CRY2: variants seen among roughly 807,000 people sequenced by gnomAD.
CRY2 encodes cryptochrome-2.
In CRY2, 31 loss-of-function variants were observed where a neutral mutation model predicts 69.5. The observed-to-expected ratio is 0.45, with a 90% confidence interval of 0.34 to 0.60. The LOEUF (loss-of-function observed/expected upper bound fraction) is 0.60. Ranked by LOEUF, CRY2 falls within the 20% of genes least tolerant of loss-of-function variation. The pLI is 0.02. For missense variants in CRY2, 606 were observed against 797.8 expected, an observed-to-expected ratio of 0.76 and a Z score of 2.90; for synonymous variants, 303 against 312.2, an observed-to-expected ratio of 0.97 and a Z score of 0.31.
At chr11:45,870,262 G>A (rs2086366815) in intron 8 of CRY2, 58 bp downstream of exon 8, 1 of 1,611,704 alleles carries the variant, frequency 6.2e-7, no homozygotes, top group Admixed American at 1.7e-5. Flanking sequence ...TACTAGGATG[G>A]GATACCCTGG....
At chr11:45,860,738 T>C in intron 3 of CRY2, 110 bp from the exon 4 acceptor site, 2 of 1,214,868 alleles carry the variant, frequency 1.6e-6, no homozygotes, top group South Asian at 1.5e-5. Context: ...TGTGAGTGGA[T>C]GAGGAAAGCC....
intron 2 of CRY2, 46 bp from the exon 3 acceptor site, chr11:45,858,685 T>C: frequency 6.3e-7 from 1 of 1,575,668 alleles, no homozygotes; most frequent in Non-Finnish European, 8.6e-7. Flanking sequence ...AGCTTCCCCC[T>C]CCTCCCCAAA....
chr11:45,858,841 G>A lies in CRY2; in HGVS notation c.435G>A (p.Thr145=), dbSNP rs149135781. The change falls in exon 3 of 12, where the codon ACG becomes ACA. Residue 145 remains threonine (T), a synonymous_variant. Transcript: ENST00000616080. ...AGGAGGCTGGTGTGGAAGTAGTGAC[G>A]GAGAATTCTCATACCCTCTATGACC... The part of the protein sequence containing the change: ...MAKEAGVEVV[T]ENSHTLYDLD... 9.7e-5 allele frequency: 157 copies of A among 1,614,050 alleles called. 1 individual carries two copies. The highest frequency in any genetic ancestry group is 1.2e-4 in the Non-Finnish European group (138 of 1,180,028).
At chr11:45,869,942 T>G in intron 7 of CRY2, 111 bp from the exon 8 acceptor site, 1 of 1,515,282 alleles carries the variant, frequency 6.6e-7, no homozygotes, top group South Asian at 1.3e-5. Flanking sequence ...CCAGATCCTC[T>G]GTGGCTTGCC....
chr11:45,870,020 C>G (rs1181073127), intron 7 of CRY2, 33 bp from the exon 8 acceptor site: 1 of 1,563,504 alleles, frequency 6.4e-7, no homozygotes. Context: ...CTGCATGTCC[C>G]CAAGGAGGCT....
intron 1 of CRY2, among the ~76,000 whole-genome samples, chr11:45,852,895 G>T (rs1176062898): frequency 1.3e-5 from 2 of 152,136 alleles, no homozygotes; most frequent in African/African-American, 4.8e-5. Context: ...CAGACTCCTG[G>T]GTGTTTCACA....
At chr11:45,863,182 ATC>A (rs1311982620) in intron 5 of CRY2, among the ~76,000 whole-genome samples, 11 of 152,224 alleles carry the variant, frequency 7.2e-5, no homozygotes, top group Non-Finnish European at 1.3e-4. Context: ...GAGACTAGCT[ATC>A]TCTGTCCACA....
Position 45,867,678 on chromosome 11 carries a change from C to T in CRY2, c.808C>T (p.Leu270Phe). Residue 270 changes from leucine to phenylalanine, a missense_variant, in exon 6 of 12, where the codon CTC (leucine) becomes TTC (phenylalanine). Coordinates refer to ENST00000616080, the MANE Select transcript of CRY2 (RefSeq NM_021117.5). ...ANSLLASPTG[L>F]SPYLRFGCLS... is the part of the protein sequence containing the mutation. ...CTCCCTCCTGGCCAGCCCCACAGGC[C>T]TCAGCCCCTACCTGCGCTTTGGTTG... The T allele has an allele frequency of 6.2e-7, 1 of 1,614,244 alleles. No individual in the cohort carries two copies.
At position 45,869,577 on chromosome 11, in the gene CRY2, A is replaced by G. The variant is rs766692979; in HGVS notation, c.954A>G (p.Ala318=). The G allele has an allele frequency of 3.1e-6, 5 of 1,614,084 alleles. No individual in the cohort carries two copies. In the African/African-American group the frequency reaches 5.3e-5, roughly 17 times the overall value. Residue 318 remains alanine, a synonymous_variant, in exon 7 of 12, where the codon GCA becomes GCG. Coordinates refer to ENST00000616080, the MANE Select transcript of CRY2 (RefSeq NM_021117.5). ...TATGGCGAGAGTTCTTCTACACGGC[A>G]GCTACCAACAACCCCAGGTTTGACC... ...QLLWREFFYT[A]ATNNPRFDRM...
chr11:45,869,749 G>A lies in CRY2; in HGVS notation c.1126G>A (p.Ala376Thr). ...LRQEGWIHHL[A>T]RHAVACFLTR... The stretch of plus-strand genomic sequence containing the variant: ...GCAGGAGGGCTGGATCCACCACCTG[G>A]CCCGGCATGCCGTGGCCTGCTTCCT... Residue 376 changes from alanine (A) to threonine (T), a missense_variant, in exon 7 of 12, where the codon GCC (alanine) becomes ACC (threonine). Coordinates refer to ENST00000616080, the MANE Select transcript of CRY2 (RefSeq NM_021117.5). 1.2e-6 allele frequency: 2 copies of A among 1,613,850 alleles called. No homozygotes were observed. The highest frequency in any genetic ancestry group is 2.2e-5 in the East Asian group (1 of 44,874).
chr11:45,870,287 G>A, intron 8 of CRY2, 43 bp from the exon 9 acceptor site: 2 of 1,613,556 alleles, frequency 1.2e-6, no homozygotes, highest in Non-Finnish European at 1.7e-6. Context: ...TTTGAAGGAG[G>A]GTCTGGGTAT....
rs1415657449 is a variant in CRY2 at position 45,858,927 on chromosome 11, G to A, written c.467+54G>A. The A allele has an allele frequency of 5.0e-6, 8 of 1,587,714 alleles. No homozygotes were observed. The African/African-American group carries it at 1.1e-4, about 21-fold the overall frequency. ...ACCAATTGTGAGAGTTAGTAATTTG[G>A]GCCCCTGCTGAGCGGAACTCAGAGA... On this transcript the variant is annotated intron_variant, in intron 3 of 11. Transcript: ENST00000616080.
intron 11 of CRY2, among the ~76,000 whole-genome samples, chr11:45,876,599 C>G (rs187121977): frequency 6.6e-6 from 1 of 152,182 alleles, no homozygotes; most frequent in Non-Finnish European, 1.5e-5. Context: ...TCTGCTGGTA[C>G]AGACTGATCT....
Position 45,847,628 on chromosome 11 carries a change from G to T in CRY2, c.138G>T (p.Gly46=), listed in dbSNP as rs747552494. 28 of 1,602,398 alleles carry T rather than the reference G, an allele frequency of 1.7e-5. No homozygotes were observed. In the African/African-American group the frequency reaches 2.9e-4, roughly 17 times the overall value. ...CGGCGTTGCTGGCGGCCGTGCGCGG[G>T]GCGCGCTGCGTGCGCTGCGTTTACA... The part of the protein sequence containing the change: ...DNPALLAAVR[G]ARCVRCVYIL... The change falls in exon 1 of 12, where the codon GGG becomes GGT. Residue 46 remains glycine (G), a synonymous_variant. Transcript: ENST00000616080.
At chr11:45,847,146 G>C (rs2086154607), upstream of CRY2, 11 of 1,535,912 alleles carry the variant, frequency 7.2e-6, no homozygotes, top group Non-Finnish European at 8.8e-6. Flanking sequence ...GCCCTGAACA[G>C]GACGTGGGTA....
At chr11:45,853,597 AC>A (rs1009476585) in intron 1 of CRY2, among the ~76,000 whole-genome samples, 1 of 151,992 alleles carries the variant, frequency 6.6e-6, no homozygotes, top group Admixed American at 6.6e-5. Context: ...GAAGGAAAAG[AC>A]CCCCAAAGCG....
chr11:45,847,145 AGGACGTG>A, upstream of CRY2: 1 of 1,532,860 alleles, frequency 6.5e-7, no homozygotes, highest in South Asian at 1.2e-5. Context: ...GGCCCTGAAC[AGGACGTG>A]GGTAAGAGAT....
chr11:45,875,123 C>T (rs959020660), intron 11 of CRY2, among the ~76,000 whole-genome samples: 3 of 152,184 alleles, frequency 2.0e-5, no homozygotes, highest in Admixed American at 6.5e-5. Flanking sequence ...TGGGTGAAGC[C>T]CATTGCCTCC....
In CRY2 at chr11:45,872,281, G is replaced by GT. The variant is rs546322536; in HGVS notation, c.*2+48_*2+49insT. ...CAACCTCAGGAAGGAAGTTGGGAGT[G>GT]GGGGGGCCTACTGCCCTGCCAGCTG... On this transcript the variant is annotated intron_variant, in intron 11 of 11. Coordinates refer to ENST00000616080, the MANE Select transcript of CRY2 (RefSeq NM_021117.5). 3 of 1,555,978 alleles carry GT rather than the reference G, an allele frequency of 1.9e-6. No individual in the cohort carries two copies. In the East Asian group the frequency reaches 6.8e-5, roughly 35 times the overall value.
Sources: allele counts gnomAD v4.1 joint callset (sites outside exome capture counted in the v4.1 genomes callset), GRCh38; gene constraint gnomAD v4.1.1; transcripts MANE v1.5; gene names NCBI Gene and HGNC (gene_info 2026-07-23, HGNC 2026-07-21).